Variants in FHIT observed in about 807,000 individuals in gnomAD.
The protein encoded by FHIT is bis(5'-adenosyl)-triphosphatase.
In FHIT, 19 loss-of-function variants were observed where a neutral mutation model predicts 17.9. The ratio of observed to expected loss-of-function variants is 1.06; its 90% CI spans 0.74 to 1.56. The LOEUF (loss-of-function observed/expected upper bound fraction) is 1.56. FHIT is among the 40% of genes most tolerant of loss of function. FHIT has a pLI of 0.00. For missense variants in FHIT, 248 were observed against 189.2 expected, an observed-to-expected ratio of 1.31 and a Z score of -1.82; for synonymous variants, 81 against 69.7, an observed-to-expected ratio of 1.16 and a Z score of -0.81.
At chr3:60,925,869 C>T (rs1707575475) in intron 3 of FHIT, among the ~76,000 whole-genome samples, 1 of 152,056 alleles carries the variant, frequency 6.6e-6, no homozygotes, top group Admixed American at 6.5e-5. Context: ...GAAGATCTAC[C>T]AAGCAAATGG....
At chr3:60,218,235 G>A (rs1298948465) in intron 5 of FHIT, among the ~76,000 whole-genome samples, 1 of 152,072 alleles carries the variant, frequency 6.6e-6, no homozygotes, top group Non-Finnish European at 1.5e-5. Context: ...TATGGCTTGT[G>A]AAAGAATGAG....
At chr3:60,568,215 C>G (rs1366831937) in intron 4 of FHIT, among the ~76,000 whole-genome samples, 1 of 152,082 alleles carries the variant, frequency 6.6e-6, no homozygotes, top group Admixed American at 6.5e-5. Flanking sequence ...CCCACATGTC[C>G]AACAATGATA....
chr3:60,970,841 C>T (rs1223360334), intron 3 of FHIT, among the ~76,000 whole-genome samples: 1 of 152,058 alleles, frequency 6.6e-6, no homozygotes, highest in Non-Finnish European at 1.5e-5. Context: ...CAAAAATAGA[C>T]TTAATAATCT....
At chr3:60,691,011 G>C (rs2040975777) in intron 4 of FHIT, among the ~76,000 whole-genome samples, 1 of 152,076 alleles carries the variant, frequency 6.6e-6, no homozygotes, top group South Asian at 2.1e-4. Context: ...GCCTGTGTGT[G>C]TGAAGGATTT....
At chr3:61,016,474 C>A (rs768179708) in intron 3 of FHIT, among the ~76,000 whole-genome samples, 6 of 152,142 alleles carry the variant, frequency 3.9e-5, no homozygotes, top group African/African-American at 1.4e-4. Context: ...TTGGAACTTA[C>A]CATTTTGCAG....
At chr3:61,106,721 G>T (rs1423504496) in intron 2 of FHIT, among the ~76,000 whole-genome samples, 2 of 152,074 alleles carry the variant, frequency 1.3e-5, no homozygotes, top group Admixed American at 1.3e-4. Flanking sequence ...GAGTGAAGTG[G>T]CGCATGTCAG....
intron 8 of FHIT, among the ~76,000 whole-genome samples, chr3:59,908,993 T>C (rs1704732234): frequency 1.3e-5 from 2 of 151,924 alleles, no homozygotes; most frequent in African/African-American, 4.8e-5. Flanking sequence ...CTGTAGACTA[T>C]CACATCAGCA....
At chr3:60,015,204 A>G (rs1393508519) in intron 5 of FHIT, among the ~76,000 whole-genome samples, 1 of 152,202 alleles carries the variant, frequency 6.6e-6, no homozygotes, top group Non-Finnish European at 1.5e-5. Flanking sequence ...TCACTAGAAT[A>G]TCAACCCCAT....
intron 2 of FHIT, among the ~76,000 whole-genome samples, chr3:61,162,590 A>G (rs2037728825): frequency 6.6e-6 from 1 of 152,208 alleles, no homozygotes; most frequent in Non-Finnish European, 1.5e-5. Context: ...TGATTCAAGC[A>G]TTTGCAGGAA....
In FHIT at chr3:60,972,029, A is replaced by G. The variant is rs369311276; in HGVS notation, c.-111+70018T>C. Among the ~76,000 whole-genome samples, 11 of 152,322 alleles carry G rather than the reference A, an allele frequency of 7.2e-5. No homozygotes were observed. In the South Asian group the frequency reaches 2.3e-3, roughly 32 times the overall value. On this transcript the variant is annotated intron_variant, in intron 3 of 9. Transcript: ENST00000492590. Reference sequence around the variant, plus strand: ...TGTTATGAACTCATGGATATAAAATATTTGATGAATTTGCATCTGCTGCAG... The same window carrying G: ...TGTTATGAACTCATGGATATAAAATGTTTGATGAATTTGCATCTGCTGCAG...
rs559303219 is a variant in FHIT, at chr3:61,016,176, T to C, written c.-111+25871A>G. Among the ~76,000 whole-genome samples, 5 of 152,240 alleles carry C rather than the reference T, an allele frequency of 3.3e-5. No individual in the cohort carries two copies. In the South Asian group the frequency reaches 1.0e-3, roughly 32 times the overall value. On this transcript the variant is annotated intron_variant, in intron 3 of 9. Coordinates refer to ENST00000492590, the MANE Select transcript of FHIT (RefSeq NM_002012.4). Reference sequence around the variant, plus strand: ...CTGATTTCCTAGGCAAGGCCTCTCATCACATTAACCATATTTTACGTAATG... The same window carrying C: ...CTGATTTCCTAGGCAAGGCCTCTCACCACATTAACCATATTTTACGTAATG...
At chr3:60,383,780 T>C (rs987258676) in intron 5 of FHIT, among the ~76,000 whole-genome samples, 28 of 152,206 alleles carry the variant, frequency 1.8e-4, no homozygotes, top group African/African-American at 6.5e-4. Flanking sequence ...GCTATTTTGT[T>C]ATTTGTTTCA....
At chr3:60,580,930 C>A (rs1243130687) in intron 4 of FHIT, among the ~76,000 whole-genome samples, 1 of 151,982 alleles carries the variant, frequency 6.6e-6, no homozygotes, top group Admixed American at 6.6e-5. Flanking sequence ...CAGGGCTGCT[C>A]AAATGTGCAT....
At chr3:60,573,412 C>T (rs2037453040) in intron 4 of FHIT, among the ~76,000 whole-genome samples, 2 of 152,142 alleles carry the variant, frequency 1.3e-5, no homozygotes, top group Admixed American at 6.6e-5. Flanking sequence ...ATTCTTTCTC[C>T]TCTTGGATCT....
At chr3:60,296,471 C>T (rs958071937) in intron 5 of FHIT, among the ~76,000 whole-genome samples, 2 of 151,930 alleles carry the variant, frequency 1.3e-5, no homozygotes, top group Non-Finnish European at 2.9e-5. Context: ...AATGGCTGTC[C>T]ATGTCTTTTG....
At chr3:61,091,555 C>T (rs948735030) in intron 2 of FHIT, among the ~76,000 whole-genome samples, 5 of 152,102 alleles carry the variant, frequency 3.3e-5, no homozygotes, top group Admixed American at 1.3e-4. Flanking sequence ...GGTCAAGCAA[C>T]GCAGATCATC....
At chr3:60,468,391 C>A (rs2032912167) in intron 5 of FHIT, among the ~76,000 whole-genome samples, 1 of 152,024 alleles carries the variant, frequency 6.6e-6, no homozygotes, top group Admixed American at 6.6e-5. Context: ...TCCTTCCTGT[C>A]TTCCTTTTAA....
intron 7 of FHIT, among the ~76,000 whole-genome samples, chr3:59,999,495 C>A (rs1699645894): frequency 6.6e-6 from 1 of 152,042 alleles, no homozygotes; most frequent in Admixed American, 6.6e-5. Flanking sequence ...ACTGTTTACT[C>A]AAACTGCCAG....
chr3:60,109,835 T>C (rs1704592903), intron 5 of FHIT, among the ~76,000 whole-genome samples: 1 of 152,208 alleles, frequency 6.6e-6, no homozygotes, highest in Non-Finnish European at 1.5e-5. Flanking sequence ...AGTTGGCTAC[T>C]GACCCACAGT....
Sources: allele counts gnomAD v4.1 joint callset (sites outside exome capture counted in the v4.1 genomes callset), GRCh38; gene constraint gnomAD v4.1.1; transcripts MANE v1.5; gene names NCBI Gene and HGNC (gene_info 2026-07-23, HGNC 2026-07-21).